The following TARBP1 variants were observed in gnomAD, a reference collection of about 807,000 sequenced individuals.
TARBP1 encodes the protein tRNA guanosine 2 -O-methyltransferase TARBP1.
Under a neutral mutation model 178.6 loss-of-function variants are expected in TARBP1, and 144 were observed. That is an observed-to-expected ratio of 0.81 (90% CI 0.70 to 0.93). The LOEUF (loss-of-function observed/expected upper bound fraction) is 0.93, where lower values mean the gene tolerates loss of function less well. TARBP1 is among the 40% of genes least tolerant of loss of function. The probability of loss-of-function intolerance (pLI) is 0.00; values close to 1 mark genes in which losing one functional copy is unlikely to be tolerated. For synonymous variants in TARBP1, 787 were observed against 781.0 expected, an observed-to-expected ratio of 1.01 and a Z score of -0.13; for missense variants, 2,067 against 2,011.7, an observed-to-expected ratio of 1.03 and a Z score of -0.53.
rs1660371385 is a variant in TARBP1 at position 234,398,525 on chromosome 1, G to A, written c.4100C>T (p.Ser1367Leu). The A allele has an allele frequency of 1.9e-6, 3 of 1,601,412 alleles. No homozygotes were observed. The African/African-American group carries it at 4.0e-5, about 21-fold the overall frequency. The change falls in exon 26 of 30, where the codon TCA becomes TTA. Residue 1367 changes from serine to leucine, a missense_variant. By Grantham distance (145) the Ser-to-Leu change is moderately radical. Transcript: ENST00000040877. ...ETIFYILPRL[S>L]GLIEDEWITI... ...GATCCATTCATCTTCAATAAGGCCTGAAAGGCGTGGAAGGATGTAAAATAT... is the reference window on the plus strand; with the variant it reads ...GATCCATTCATCTTCAATAAGGCCTAAAAGGCGTGGAAGGATGTAAAATAT...
Position 234,457,659 on chromosome 1 carries a change from A to T in TARBP1, c.1722+8T>A. The stretch of plus-strand genomic sequence containing the variant: ...TCAAAGACTTTATTAAATTATCTTT[A>T]ATCTCACCTCTGTCCACAATGAAGT... On this transcript the variant is annotated splice_region_variant and intron_variant, in intron 9 of 29. Transcript: ENST00000040877. 6.3e-7 allele frequency: 1 copy of T among 1,580,228 alleles called. No individual in the cohort carries two copies. Among genetic ancestry groups the T allele is most frequent in the African/African-American group, 1.4e-5 (1 of 73,476 alleles).
At chr1:234,473,998 T>C (rs1669320201) in intron 1 of TARBP1, among the ~76,000 whole-genome samples, 2 of 151,976 alleles carry the variant, frequency 1.3e-5, no homozygotes, top group African/African-American at 4.8e-5. Flanking sequence ...CCCAACACTT[T>C]GGGAGGCTGA....
intron 9 of TARBP1, among the ~76,000 whole-genome samples, chr1:234,451,215 G>A (rs549074664): frequency 6.6e-6 from 1 of 152,232 alleles, no homozygotes; most frequent in African/African-American, 2.4e-5. Flanking sequence ...CTCATCTTTG[G>A]TCACGTATAA....
intron 19 of TARBP1, among the ~76,000 whole-genome samples, chr1:234,426,629 T>G (rs916097877): frequency 1.3e-5 from 2 of 152,162 alleles, no homozygotes; most frequent in Non-Finnish European, 2.9e-5. Context: ...GAGTGAATGA[T>G]ACAATGCTAT....
intron 23 of TARBP1, among the ~76,000 whole-genome samples, chr1:234,409,261 G>A (rs189236214): frequency 1.3e-3 from 192 of 151,856 alleles, no homozygotes; most frequent in Middle Eastern, 6.8e-3. Flanking sequence ...TGTAATAAAC[G>A]GCAAGTACAA....
intron 17 of TARBP1, 79 bp downstream of exon 17, chr1:234,429,057 G>A: frequency 3.1e-6 from 4 of 1,296,028 alleles, no homozygotes; most frequent in Non-Finnish European, 4.1e-6. Flanking sequence ...ATCTAATTGT[G>A]AATACAACTC....
intron 29 of TARBP1, 81 bp downstream of exon 29, chr1:234,392,335 C>CA: frequency 6.5e-7 from 1 of 1,545,620 alleles, no homozygotes; most frequent in Non-Finnish European, 8.7e-7. Flanking sequence ...GACTCCGTCT[C>CA]AAAAACAAAA....
intron 21 of TARBP1, 86 bp downstream of exon 21, chr1:234,420,616 T>C (rs61825881): frequency 0.098 from 72,420 of 741,868 alleles, 4,239 homozygotes; most frequent in Non-Finnish European, 0.12. Context: ...TTTTCAATTT[T>C]AAAATAGTAT....
chr1:234,392,877 A>AT lies in TARBP1; in HGVS notation c.4561-326dup, dbSNP rs917583779. Among the ~76,000 whole-genome samples, 9 of 151,370 alleles carry AT rather than the reference A, an allele frequency of 5.9e-5. No homozygotes were observed. The East Asian group carries it at 9.7e-4, about 16-fold the overall frequency. ...AGGCGCCCACCACCACGCCCGGCTAATTTTTTTTTATTTTTTATTTTTTAG... is the reference window on the plus strand; with the variant it reads ...AGGCGCCCACCACCACGCCCGGCTAATTTTTTTTTTATTTTTTATTTTTTAG... On this transcript the variant is annotated intron_variant, in intron 28 of 29. Coordinates refer to ENST00000040877, the MANE Select transcript of TARBP1 (RefSeq NM_005646.4).
intron 20 of TARBP1, among the ~76,000 whole-genome samples, chr1:234,421,960 C>G (rs937573833): frequency 6.6e-6 from 1 of 152,170 alleles, no homozygotes; most frequent in Non-Finnish European, 1.5e-5. Context: ...ATGACAATAG[C>G]TAAATTAATA....
Position 234,393,751 on chromosome 1 carries a change from A to G in TARBP1, c.4330T>C (p.Leu1444=). The stretch of plus-strand genomic sequence containing the variant: ...TCCTGAAACAGGAGCTCCAGGTCTA[A>G]GTCGGAAACACGACTGTTCCACGGG... ...IIPWNSRVSD[L]DLELLFQDRA... Residue 1444 remains leucine (L), a synonymous_variant, in exon 27 of 30, where the codon TTA becomes CTA. Transcript: ENST00000040877. 6.2e-7 allele frequency: 1 copy of G among 1,614,080 alleles called. No homozygotes were observed. The highest frequency in any genetic ancestry group is 1.3e-5 in the African/African-American group (1 of 75,046).
chr1:234,421,775 C>T (rs767341856), intron 20 of TARBP1, among the ~76,000 whole-genome samples: 2 of 152,200 alleles, frequency 1.3e-5, no homozygotes, highest in Admixed American at 6.5e-5. Context: ...GGCCATAAAG[C>T]AAGATGGCAC....
intron 9 of TARBP1, among the ~76,000 whole-genome samples, chr1:234,452,336 A>G (rs2103229975): frequency 6.6e-6 from 1 of 152,366 alleles, no homozygotes; most frequent in Middle Eastern, 3.4e-3. Flanking sequence ...CTGATAAAGG[A>G]CTGGTATCCA....
chr1:234,466,545 T>C (rs1038082904), intron 4 of TARBP1, among the ~76,000 whole-genome samples: 1 of 143,098 alleles, frequency 7.0e-6, no homozygotes, highest in Non-Finnish European at 1.5e-5. Flanking sequence ...ATCTGAGAAA[T>C]ATATTCAATC....
intron 21 of TARBP1, 35 bp downstream of exon 21, chr1:234,420,667 G>T: frequency 7.4e-7 from 1 of 1,352,136 alleles, no homozygotes; most frequent in Non-Finnish European, 1.0e-6. Context: ...GAAATCATAT[G>T]CTTCAAAGGT....
chr1:234,473,730 C>T (rs1350347155), intron 1 of TARBP1, among the ~76,000 whole-genome samples: 1 of 152,192 alleles, frequency 6.6e-6, no homozygotes, highest in Non-Finnish European at 1.5e-5. Context: ...GAGCTTTAAA[C>T]CCAATTTTGA....
chr1:234,440,910 G>A (rs984958867), intron 12 of TARBP1, among the ~76,000 whole-genome samples: 13 of 152,164 alleles, frequency 8.5e-5, no homozygotes, highest in African/African-American at 2.2e-4. Context: ...CAGGCCAGGC[G>A]TGGTGGCTCA....
chr1:234,427,343 G>A lies in TARBP1; in HGVS notation c.3297C>T (p.Asp1099=). ...VQTFIENLGH[D]CAANIVMENT... Reference sequence around the variant, plus strand: ...TTTCCATAACAATATTTGCCGCACAGTCATGTCCAAGGTTTTCTATGAAGG... The same window carrying A: ...TTTCCATAACAATATTTGCCGCACAATCATGTCCAAGGTTTTCTATGAAGG... The change falls in exon 19 of 30, where the codon GAC becomes GAT. Residue 1099 remains aspartate (D), a synonymous_variant. Transcript: ENST00000040877. The A allele has an allele frequency of 6.2e-7, 1 of 1,612,110 alleles. No homozygotes were observed. Among genetic ancestry groups the A allele is most frequent in the Non-Finnish European group, 8.5e-7 (1 of 1,179,102 alleles).
chr1:234,467,993 G>T (rs989393494), intron 3 of TARBP1, among the ~76,000 whole-genome samples: 1 of 151,966 alleles, frequency 6.6e-6, no homozygotes, highest in Admixed American at 6.6e-5. Context: ...TGCCTAGGTT[G>T]GTCTCAAACT....
Sources: allele counts gnomAD v4.1 joint callset (sites outside exome capture counted in the v4.1 genomes callset), GRCh38; gene constraint gnomAD v4.1.1; transcripts MANE v1.5; gene names NCBI Gene and HGNC (gene_info 2026-07-23, HGNC 2026-07-21).